Variants in AGBL1 observed in about 807,000 individuals in gnomAD.
AGBL1 encodes cytosolic carboxypeptidase 4.
AGBL1 carries 130 observed loss-of-function variants against 118.9 expected under a neutral mutation model. The ratio of observed to expected loss-of-function variants is 1.09; its 90% CI spans 0.95 to 1.26. The LOEUF (loss-of-function observed/expected upper bound fraction) is 1.26. AGBL1 is among the 50% of genes most tolerant of loss of function. The pLI is 0.00. For missense variants in AGBL1, 1,584 were observed against 1,298.1 expected (o/e 1.22, Z -3.38); for synonymous variants, 555 against 478.9 (o/e 1.16, Z -2.08).
intron 18 of AGBL1, among the ~76,000 whole-genome samples, chr15:86,461,680 C>T (rs534941771): frequency 2.6e-4 from 39 of 152,124 alleles, no homozygotes; most frequent in Middle Eastern, 3.4e-3. Flanking sequence ...ATATAAAACC[C>T]GGAAAATATC....
chr15:86,823,998 T>A (rs2078974511), intron 22 of AGBL1, among the ~76,000 whole-genome samples: 1 of 152,136 alleles, frequency 6.6e-6, no homozygotes, highest in South Asian at 2.1e-4. Context: ...GCTAAATGTT[T>A]TCCCCTGATG....
intron 1 of AGBL1, among the ~76,000 whole-genome samples, chr15:86,086,067 T>A (rs536587441): frequency 6.6e-6 from 1 of 152,308 alleles, no homozygotes; most frequent in Admixed American, 6.5e-5. Context: ...GCATTGCTGG[T>A]GATATGCTGA....
intron 22 of AGBL1, among the ~76,000 whole-genome samples, chr15:86,749,483 C>T (rs982231376): frequency 1.3e-5 from 2 of 151,998 alleles, no homozygotes; most frequent in African/African-American, 4.8e-5. Context: ...TCCTCTTTTC[C>T]TAATTGAATA....
rs114378738 is a variant in AGBL1, at chr15:86,623,430, G to A, written c.2995-50843G>A. Reference sequence around the variant, plus strand: ...GTGTGAATTGAGACCACTGTGGCTGGTTCTCCAGACACTGGTACAGCTGTC... The same window carrying A: ...GTGTGAATTGAGACCACTGTGGCTGATTCTCCAGACACTGGTACAGCTGTC... On this transcript the variant is annotated intron_variant, in intron 21 of 22. Transcript: ENST00000614907. Among the ~76,000 whole-genome samples, 1,287 of 152,242 alleles carry A rather than the reference G, an allele frequency of 8.5e-3. 15 individuals carry two copies. Among genetic ancestry groups the A allele is most frequent in the African/African-American group, 0.024 (992 of 41,536 alleles).
At chr15:86,986,018 G>A (rs1483813865) in intron 23 of AGBL1, among the ~76,000 whole-genome samples, 3 of 151,932 alleles carry the variant, frequency 2.0e-5, no homozygotes, top group Admixed American at 6.6e-5. Context: ...CTGTCCCCCG[G>A]TTTCAAGCCA....
At chr15:86,593,917 A>G (rs2084372293) in intron 21 of AGBL1, among the ~76,000 whole-genome samples, 1 of 150,960 alleles carries the variant, frequency 6.6e-6, no homozygotes, top group East Asian at 1.9e-4. Flanking sequence ...TGTGACACTG[A>G]TTGATTTTTT....
intron 21 of AGBL1, among the ~76,000 whole-genome samples, chr15:86,571,243 C>G (rs1450062253): frequency 1.3e-5 from 2 of 152,218 alleles, no homozygotes; most frequent in East Asian, 3.9e-4. Flanking sequence ...CTCTTCTCTT[C>G]TGCTCTTCAC....
At chr15:86,730,071 T>A (rs1278087697) in intron 22 of AGBL1, among the ~76,000 whole-genome samples, 2 of 152,194 alleles carry the variant, frequency 1.3e-5, no homozygotes, top group Non-Finnish European at 2.9e-5. Flanking sequence ...TATGTCTTCT[T>A]TTGAGAAGTG....
chr15:86,817,620 C>T (rs1030619401), intron 22 of AGBL1, among the ~76,000 whole-genome samples: 1 of 142,424 alleles, frequency 7.0e-6, no homozygotes, highest in African/African-American at 2.7e-5. Context: ...GAAAAAGAGA[C>T]AGGCATACAC....
At chr15:86,582,005 T>C (rs1009215867) in intron 21 of AGBL1, among the ~76,000 whole-genome samples, 1 of 152,154 alleles carries the variant, frequency 6.6e-6, no homozygotes, top group East Asian at 1.9e-4. Flanking sequence ...CTCAGCACTT[T>C]TGACATTTTG....
intron 24 of AGBL1, among the ~76,000 whole-genome samples, chr15:87,001,434 A>C (rs538723408): frequency 6.6e-6 from 1 of 152,186 alleles, no homozygotes; most frequent in Admixed American, 6.5e-5. Context: ...TAGTGCCACA[A>C]TAAATATGTG....
At chr15:86,425,740 G>GTTTTA (rs1203641201) in intron 18 of AGBL1, among the ~76,000 whole-genome samples, 1 of 152,164 alleles carries the variant, frequency 6.6e-6, no homozygotes. Context: ...GTGATGTCCA[G>GTTTTA]GGCCAACATG....
rs369227906 is a variant in AGBL1, at chr15:86,748,005, T to G, written c.3158+73569T>G. ...TTGGGTATATACCCAGTAATGGGAT[T>G]GCTGGGTCAAATGGTATTTCTAGTT... On this transcript the variant is annotated intron_variant, in intron 22 of 22. Transcript: ENST00000614907. 1.8e-4 allele frequency among the ~76,000 whole-genome samples: 27 copies of G among 152,218 alleles called. 1 individual carries two copies. The highest frequency in any genetic ancestry group is 1.7e-3 in the East Asian group (9 of 5,168).
intron 21 of AGBL1, among the ~76,000 whole-genome samples, chr15:86,666,771 A>G (rs1048538398): frequency 6.6e-6 from 1 of 152,334 alleles, no homozygotes; most frequent in Admixed American, 6.5e-5. Flanking sequence ...CATGAATTAG[A>G]TATTATTATG....
chr15:86,723,971 C>T (rs141678018), intron 22 of AGBL1, among the ~76,000 whole-genome samples: 1 of 152,042 alleles, frequency 6.6e-6, no homozygotes, highest in South Asian at 2.1e-4. Context: ...CGCAGTGGCT[C>T]AAGCCTGTAA....
At chr15:86,589,933 C>A (rs1403362357) in intron 21 of AGBL1, among the ~76,000 whole-genome samples, 1 of 152,122 alleles carries the variant, frequency 6.6e-6, no homozygotes, top group Non-Finnish European at 1.5e-5. Flanking sequence ...AAAATATATT[C>A]TCTACATATT....
At chr15:86,109,737 G>A (rs1897251813) in intron 1 of AGBL1, 1 of 152,162 alleles carries the variant, frequency 6.6e-6, no homozygotes, top group South Asian at 2.1e-4. Flanking sequence ...TTCCAGCTCT[G>A]TCCATTGCAT....
intron 22 of AGBL1, among the ~76,000 whole-genome samples, chr15:86,703,567 C>G (rs2086396184): frequency 6.6e-6 from 1 of 152,134 alleles, no homozygotes; most frequent in Non-Finnish European, 1.5e-5. Context: ...CGGTTTGTCT[C>G]TGTGTCCCTA....
chr15:86,446,290 T>C (rs547550742), intron 18 of AGBL1, among the ~76,000 whole-genome samples: 8 of 152,312 alleles, frequency 5.3e-5, no homozygotes, highest in Non-Finnish European at 1.2e-4. Flanking sequence ...AGGTGAGGAA[T>C]GGGAGCTGGC....
Sources: allele counts gnomAD v4.1 joint callset (sites outside exome capture counted in the v4.1 genomes callset), GRCh38; gene constraint gnomAD v4.1.1; transcripts MANE v1.5; gene names NCBI Gene and HGNC (gene_info 2026-07-23, HGNC 2026-07-21).